Variants in HERC3 observed in about 807,000 individuals in gnomAD.
HERC3 encodes HECT and RLD domain containing E3 ubiquitin protein ligase 3.
Under a neutral mutation model 129.9 loss-of-function variants are expected in HERC3, and 58 were observed. That is an observed-to-expected ratio of 0.45 (90% CI 0.36 to 0.56). The LOEUF (loss-of-function observed/expected upper bound fraction) is 0.56. Ranked by LOEUF, HERC3 falls within the 20% of genes least tolerant of loss-of-function variation. The pLI is 0.00. For synonymous variants in HERC3, 430 were observed against 451.0 expected (o/e 0.95, Z 0.59); for missense variants, 835 against 1,244.2 (o/e 0.67, Z 4.95).
chr4:88,596,482 C>T (rs1314095086), intron 2 of HERC3, among the ~76,000 whole-genome samples: 3 of 152,168 alleles, frequency 2.0e-5, no homozygotes, highest in Non-Finnish European at 4.4e-5. Flanking sequence ...GGTCAGTTCA[C>T]TAGGCATTTA....
At chr4:88,610,171 T>C (rs2149201594) in intron 3 of HERC3, among the ~76,000 whole-genome samples, 1 of 152,236 alleles carries the variant, frequency 6.6e-6, no homozygotes, top group African/African-American at 2.4e-5. Context: ...ATGCCTTACC[T>C]GGGCCAGGTG....
intron 2 of HERC3, chr4:88,598,018 G>A (rs1030251599): frequency 6.6e-6 from 1 of 152,194 alleles, no homozygotes; most frequent in African/African-American, 2.4e-5. Flanking sequence ...TATCTGCAAA[G>A]CACTGAAGGT....
chr4:88,681,505 G>A (rs1732772012), intron 21 of HERC3, among the ~76,000 whole-genome samples, 180 bp downstream of exon 21: 1 of 152,188 alleles, frequency 6.6e-6, no homozygotes, highest in East Asian at 1.9e-4. Flanking sequence ...CATTGCCTGT[G>A]TTATCGGTAC....
the HERC3 span, among the ~76,000 whole-genome samples, chr4:88,547,605 C>T: frequency 6.6e-6 from 1 of 152,162 alleles, no homozygotes; most frequent in African/African-American, 2.4e-5. Flanking sequence ...TACATGAAAT[C>T]AGACAATATG....
At chr4:88,706,450 A>G (rs1259240954) in intron 25 of HERC3, among the ~76,000 whole-genome samples, 5 of 152,212 alleles carry the variant, frequency 3.3e-5, no homozygotes, top group African/African-American at 9.6e-5. Context: ...CTGAGGTCAG[A>G]GACTTCAGTC....
chr4:88,552,339 G>A, the HERC3 span, among the ~76,000 whole-genome samples: 5 of 152,000 alleles, frequency 3.3e-5, no homozygotes, highest in African/African-American at 9.7e-5. Context: ...CCATTCTTTG[G>A]GTTTGGACGG....
chr4:88,641,713 A>G (rs1203660950), intron 3 of HERC3, among the ~76,000 whole-genome samples: 1 of 152,236 alleles, frequency 6.6e-6, no homozygotes, highest in East Asian at 1.9e-4. Flanking sequence ...GATCAAATGG[A>G]CAATTCTTCC....
chr4:88,589,676 C>T (rs970358191), upstream of HERC3, among the ~76,000 whole-genome samples: 3 of 152,162 alleles, frequency 2.0e-5, no homozygotes, highest in Non-Finnish European at 2.9e-5. Flanking sequence ...AAACAGTTTA[C>T]GTATCTGCTG....
intron 3 of HERC3, among the ~76,000 whole-genome samples, chr4:88,629,038 G>A (rs1462499459): frequency 3.9e-5 from 6 of 152,192 alleles, no homozygotes; most frequent in African/African-American, 1.4e-4. Context: ...CCACATGGTG[G>A]CATGTGCCAG....
the HERC3 span, among the ~76,000 whole-genome samples, chr4:88,526,014 C>A: frequency 6.6e-6 from 1 of 152,202 alleles, no homozygotes; most frequent in Non-Finnish European, 1.5e-5. Context: ...CACCCTCAAC[C>A]TTCTCACTTG....
intron 3 of HERC3, among the ~76,000 whole-genome samples, chr4:88,638,795 C>A (rs544941650): frequency 6.6e-6 from 1 of 152,214 alleles, no homozygotes; most frequent in African/African-American, 2.4e-5. Flanking sequence ...GAGAGGAAGT[C>A]GAATTGTCTC....
intron 3 of HERC3, among the ~76,000 whole-genome samples, chr4:88,631,471 A>G (rs1239401720): frequency 6.6e-6 from 1 of 152,208 alleles, no homozygotes; most frequent in East Asian, 1.9e-4. Flanking sequence ...AAAGAAAAGA[A>G]ATACTACTGT....
chr4:88,694,227 G>A lies in HERC3; in HGVS notation c.2657+6928G>A, dbSNP rs1229012493. ...TTCAGGAACACGCAGCATTAGGTGA[G>A]TTCTTTCTGCCTCAGGCAGGGTTTG... On this transcript the variant is annotated intron_variant, in intron 23 of 25. Coordinates refer to ENST00000402738, the MANE Select transcript of HERC3 (RefSeq NM_014606.3). Among the ~76,000 whole-genome samples the A allele has an allele frequency of 3.3e-5, 5 of 152,338 alleles. No individual in the cohort carries two copies. In the East Asian group the frequency reaches 9.6e-4, roughly 29 times the overall value.
chr4:88,658,375 A>G, intron 9 of HERC3, 40 bp from the exon 10 acceptor site: 1 of 1,168,894 alleles, frequency 8.6e-7, no homozygotes, highest in Non-Finnish European at 1.3e-6. Flanking sequence ...AGAAACTTCA[A>G]TTAATGAAAA....
chr4:88,631,285 C>G (rs1253841137), intron 3 of HERC3, among the ~76,000 whole-genome samples: 2 of 151,818 alleles, frequency 1.3e-5, no homozygotes, highest in African/African-American at 4.8e-5. Flanking sequence ...TGAAACCCCG[C>G]CTGTACTAAA....
At chr4:88,582,270 A>C in the HERC3 span, among the ~76,000 whole-genome samples, 1 of 152,128 alleles carries the variant, frequency 6.6e-6, no homozygotes, top group Non-Finnish European at 1.5e-5. Flanking sequence ...TGATATAGAG[A>C]GGAATGGACT....
chr4:88,628,251 G>A (rs904114944), intron 3 of HERC3, among the ~76,000 whole-genome samples: 1 of 152,088 alleles, frequency 6.6e-6, no homozygotes, highest in African/African-American at 2.4e-5. Flanking sequence ...CACATTTAAG[G>A]TTGTTCGGTG....
the HERC3 span, among the ~76,000 whole-genome samples, chr4:88,549,709 C>A: frequency 6.9e-6 from 1 of 144,338 alleles, no homozygotes; most frequent in South Asian, 2.2e-4. Flanking sequence ...TTTTCTTTTT[C>A]TTTTTTTTCT....
At chr4:88,702,284 T>C (rs1735389626) in intron 23 of HERC3, among the ~76,000 whole-genome samples, 1 of 152,206 alleles carries the variant, frequency 6.6e-6, no homozygotes, top group African/African-American at 2.4e-5. Context: ...CTTACATGTA[T>C]TCACTCATTT....
Sources: allele counts gnomAD v4.1 joint callset (sites outside exome capture counted in the v4.1 genomes callset), GRCh38; gene constraint gnomAD v4.1.1; transcripts MANE v1.5; gene names NCBI Gene and HGNC (gene_info 2026-07-23, HGNC 2026-07-21).